Variants in EXOC4 observed in about 807,000 individuals in gnomAD.
EXOC4 encodes the protein exocyst complex component 4.
A neutral mutation model predicts 107.2 loss-of-function variants in EXOC4; 71 were observed. That is an observed-to-expected ratio of 0.66 (90% CI 0.55 to 0.81). The LOEUF is 0.81. EXOC4 is among the 30% of genes least tolerant of loss of function. The probability of loss-of-function intolerance (pLI) is 0.00; values close to 1 mark genes in which losing one functional copy is unlikely to be tolerated. For synonymous variants in EXOC4, 456 were observed against 441.2 expected, an observed-to-expected ratio of 1.03 and a Z score of -0.42; for missense variants, 1,108 against 1,189.6, an observed-to-expected ratio of 0.93 and a Z score of 1.01.
At chr7:133,742,368 A>C (rs960131350) in intron 10 of EXOC4, among the ~76,000 whole-genome samples, 1 of 152,188 alleles carries the variant, frequency 6.6e-6, no homozygotes, top group Admixed American at 6.5e-5. Flanking sequence ...ATACAGTAAA[A>C]CAATGCAACA....
chr7:133,619,092 A>C (rs1802264631), intron 9 of EXOC4, among the ~76,000 whole-genome samples: 1 of 152,182 alleles, frequency 6.6e-6, no homozygotes, highest in Admixed American at 6.5e-5. Flanking sequence ...AAGTTATTTA[A>C]AGCCACCTGT....
At chr7:133,357,426 A>G (rs1796046629) in intron 6 of EXOC4, among the ~76,000 whole-genome samples, 1 of 152,214 alleles carries the variant, frequency 6.6e-6, no homozygotes, top group Non-Finnish European at 1.5e-5. Flanking sequence ...TTAATGTGTA[A>G]TGATATTTCC....
chr7:133,677,093 T>G (rs1490621989), intron 10 of EXOC4, among the ~76,000 whole-genome samples: 1 of 152,038 alleles, frequency 6.6e-6, no homozygotes, highest in Non-Finnish European at 1.5e-5. Flanking sequence ...ATTATTCTGT[T>G]TTATTAGAGC....
intron 9 of EXOC4, among the ~76,000 whole-genome samples, chr7:133,619,721 T>C (rs985181866): frequency 1.6e-4 from 25 of 152,184 alleles, no homozygotes; most frequent in Non-Finnish European, 3.1e-4. Context: ...AGAGAAACCA[T>C]ATTGTCTGTT....
chr7:133,969,349 C>T (rs1268908685), intron 14 of EXOC4, among the ~76,000 whole-genome samples: 1 of 152,170 alleles, frequency 6.6e-6, no homozygotes, highest in Non-Finnish European at 1.5e-5. Context: ...TGTCAATTCG[C>T]CAAACTCATT....
intron 7 of EXOC4, among the ~76,000 whole-genome samples, chr7:133,462,324 G>A (rs1442727973): frequency 2.0e-5 from 3 of 152,130 alleles, no homozygotes; most frequent in African/African-American, 7.2e-5. Flanking sequence ...TTGACCTTTA[G>A]CTAGAAAAGA....
At chr7:134,030,930 T>C (rs1795256558) in intron 17 of EXOC4, among the ~76,000 whole-genome samples, 1 of 152,062 alleles carries the variant, frequency 6.6e-6, no homozygotes, top group Non-Finnish European at 1.5e-5. Flanking sequence ...TTTATAACTT[T>C]TGCCACCACC....
chr7:134,061,171 G>A (rs1282244313), intron 17 of EXOC4, among the ~76,000 whole-genome samples: 3 of 152,290 alleles, frequency 2.0e-5, no homozygotes, highest in Middle Eastern at 3.4e-3. Context: ...AAACCAGCCA[G>A]TATCCCTGGA....
intron 7 of EXOC4, among the ~76,000 whole-genome samples, chr7:133,448,808 G>T (rs1798276841): frequency 6.6e-6 from 1 of 152,132 alleles, no homozygotes; most frequent in Admixed American, 6.6e-5. Context: ...GACCTTATAG[G>T]AAGATGGAAA....
At chr7:133,562,281 G>T (rs553421174) in intron 9 of EXOC4, among the ~76,000 whole-genome samples, 39 of 152,292 alleles carry the variant, frequency 2.6e-4, no homozygotes, top group African/African-American at 8.9e-4. Context: ...CCAGGGGTTG[G>T]TTTCTGCTCC....
At chr7:133,954,428 G>C (rs1800767617) in intron 14 of EXOC4, among the ~76,000 whole-genome samples, 1 of 152,028 alleles carries the variant, frequency 6.6e-6, no homozygotes, top group African/African-American at 2.4e-5. Flanking sequence ...AATATCACTT[G>C]TTTCATCTTT....
At chr7:133,986,128 A>G (rs1426348132) in intron 14 of EXOC4, among the ~76,000 whole-genome samples, 1 of 152,250 alleles carries the variant, frequency 6.6e-6, no homozygotes, top group Non-Finnish European at 1.5e-5. Flanking sequence ...AATGTGCATT[A>G]TGTCCCCATC....
intron 11 of EXOC4, among the ~76,000 whole-genome samples, chr7:133,862,490 G>C (rs1430797920): frequency 1.3e-5 from 2 of 151,262 alleles, no homozygotes; most frequent in Admixed American, 1.3e-4. Context: ...CTCAGGGGGC[G>C]GGGAAAAAAA....
At chr7:133,398,883 T>C (rs1797028874) in intron 7 of EXOC4, among the ~76,000 whole-genome samples, 1 of 152,224 alleles carries the variant, frequency 6.6e-6, no homozygotes, top group African/African-American at 2.4e-5. Context: ...GATTAGAGAA[T>C]GTAAAGCGAT....
rs745993393 is a variant in EXOC4, at chr7:133,253,112, A to G, written c.11A>G (p.Glu4Gly). The change falls in exon 1 of 18, where the codon GAA becomes GGA. Residue 4 changes from glutamate to glycine, a missense_variant. Transcript: ENST00000253861. Reference sequence around the variant, plus strand: ...CTCCCCGCGTCCAAGATGGCGGCAGAAGCAGCTGGTGGGAAATACAGAAGC... The same window carrying G: ...CTCCCCGCGTCCAAGATGGCGGCAGGAGCAGCTGGTGGGAAATACAGAAGC... MAA[E>G]AAGGKYRSTV... The G allele has an allele frequency of 3.1e-6, 5 of 1,614,034 alleles. No homozygotes were observed. The highest frequency in any genetic ancestry group is 1.1e-5 in the South Asian group (1 of 91,088).
intron 4 of EXOC4, among the ~76,000 whole-genome samples, chr7:133,316,224 A>G (rs1360810556): frequency 6.6e-6 from 1 of 152,132 alleles, no homozygotes; most frequent in Non-Finnish European, 1.5e-5. Flanking sequence ...AGATGGGGAT[A>G]TATTGCTGTG....
intron 14 of EXOC4, among the ~76,000 whole-genome samples, chr7:133,965,657 GTC>G (rs1801047785): frequency 4.6e-5 from 7 of 152,076 alleles, no homozygotes; most frequent in Non-Finnish European, 8.8e-5. Flanking sequence ...TTATTTCTGA[GTC>G]CTCTGTTCTG....
At chr7:133,656,581 A>T (rs935640814) in intron 10 of EXOC4, among the ~76,000 whole-genome samples, 1 of 152,154 alleles carries the variant, frequency 6.6e-6, no homozygotes, top group Non-Finnish European at 1.5e-5. Flanking sequence ...CCCATCACAG[A>T]CACATATGTG....
chr7:133,980,740 CAG>C (rs1793961648), intron 14 of EXOC4, among the ~76,000 whole-genome samples: 1 of 152,162 alleles, frequency 6.6e-6, no homozygotes, highest in Non-Finnish European at 1.5e-5. Flanking sequence ...GGCATAAACA[CAG>C]ATTGATTATT....
Sources: allele counts gnomAD v4.1 joint callset (sites outside exome capture counted in the v4.1 genomes callset), GRCh38; gene constraint gnomAD v4.1.1; transcripts MANE v1.5; gene names NCBI Gene and HGNC (gene_info 2026-07-23, HGNC 2026-07-21).